COL20A1: variants seen among roughly 807,000 people sequenced by gnomAD.
The protein encoded by COL20A1 is collagen alpha-1(XX) chain.
A neutral mutation model predicts 152.9 loss-of-function variants in COL20A1; 164 were observed. The ratio of observed to expected loss-of-function variants is 1.07; its 90% CI spans 0.94 to 1.22. COL20A1 has a LOEUF of 1.22. COL20A1 is among the 50% of genes most tolerant of loss of function. The pLI is 0.00. For synonymous variants in COL20A1, 864 were observed against 756.0 expected (o/e 1.14, Z -2.34); for missense variants, 1,873 against 1,744.8 (o/e 1.07, Z -1.31).
rs778774257 is a variant in COL20A1 at position 63,313,898 on chromosome 20, C to T, written c.2358+7C>T. On this transcript the variant is annotated splice_region_variant and intron_variant, in intron 18 of 35. Transcript: ENST00000358894. The surrounding 1 kb of genome is among the most constrained non-coding windows in gnomAD (Gnocchi z 5.9). The stretch of plus-strand genomic sequence containing the variant: ...CTTGGGACCCGAGAAATCCGTGAGT[C>T]TTGGTAGAGCCTGAGGCTGCCCCAC... 1.3e-6 allele frequency: 2 copies of T among 1,596,494 alleles called. No individual in the cohort carries two copies. The highest frequency in any genetic ancestry group is 1.7e-6 in the Non-Finnish European group (2 of 1,171,934).
rs1358009253 is a variant in COL20A1 at position 63,306,177 on chromosome 20, C to T, written c.496+138C>T. The T allele has an allele frequency of 2.9e-6, 2 of 695,570 alleles. No individual in the cohort carries two copies. The highest frequency in any genetic ancestry group is 3.6e-5 in the African/African-American group (2 of 54,906). 43.1% of individuals were successfully genotyped at this position (695,570 alleles called of 1,614,324 possible). A position where few individuals can be genotyped will look rare whatever the true frequency, so the allele number is the denominator to read the frequency against. ...TGACCACGAGGCCAGGAAGTTCTTCCTCGTGTCTGACCACACGGTCTCTGA... is the reference window on the plus strand; with the variant it reads ...TGACCACGAGGCCAGGAAGTTCTTCTTCGTGTCTGACCACACGGTCTCTGA... On this transcript the variant is annotated intron_variant, in intron 5 of 35. Transcript: ENST00000358894. The surrounding 1 kb of genome is among the most constrained non-coding windows in gnomAD (Gnocchi z 6.9).
chr20:63,325,265 C>T (rs1009495006), intron 27 of COL20A1, 176 bp from the exon 28 acceptor site: 1 of 710,560 alleles, frequency 1.4e-6, no homozygotes, highest in Non-Finnish European at 2.6e-6. Context: ...GCCTGTGTCT[C>T]CAGGGAGAGC....
intron 2 of COL20A1, among the ~76,000 whole-genome samples, chr20:63,295,790 TG>T (rs1281099605): frequency 6.6e-6 from 1 of 152,162 alleles, no homozygotes; most frequent in Non-Finnish European, 1.5e-5. Context: ...TTGAGAAATG[TG>T]GGTTTAGATT....
intron 34 of COL20A1, among the ~76,000 whole-genome samples, chr20:63,328,740 C>T (rs557341871): frequency 6.6e-6 from 1 of 152,330 alleles, no homozygotes; most frequent in East Asian, 1.9e-4. Context: ...GACCTCTTCC[C>T]CAGTCTTCAG....
chr20:63,325,435 C>T lies in COL20A1; in HGVS notation c.3295-6C>T, dbSNP rs527626212. ...CTTCGCTGTCCAGCCCATCTTCCCC[C>T]TCCAGGGTCCACCAGGGGTCAAAGG... On this transcript the variant is annotated splice_region_variant and splice_polypyrimidine_tract_variant and intron_variant, in intron 27 of 35. Transcript: ENST00000358894. The T allele has an allele frequency of 2.5e-6, 4 of 1,611,642 alleles. No individual in the cohort carries two copies. Among genetic ancestry groups the T allele is most frequent in the East Asian group, 2.2e-5 (1 of 44,870 alleles).
chr20:63,312,695 G>A, intron 15 of COL20A1, 97 bp from the exon 16 acceptor site: 3 of 1,463,590 alleles, frequency 2.0e-6, no homozygotes, highest in Non-Finnish European at 2.8e-6. Context: ...GGGTGTGATG[G>A]ATGGGGGTAT....
intron 1 of COL20A1, among the ~76,000 whole-genome samples, chr20:63,294,345 T>C (rs2067759214): frequency 6.6e-6 from 1 of 151,616 alleles, no homozygotes; most frequent in Non-Finnish European, 1.5e-5. Context: ...CTCTGGGCAC[T>C]GGTCACTGGG....
chr20:63,308,122 T>C (rs1568770855), intron 7 of COL20A1, 32 bp downstream of exon 7: 2 of 1,607,900 alleles, frequency 1.2e-6, no homozygotes, highest in South Asian at 2.2e-5. Context: ...CCCTCTGTCC[T>C]GAGGGCGGAC....
chr20:63,299,554 T>C (rs1223030609), intron 3 of COL20A1, among the ~76,000 whole-genome samples: 4 of 152,206 alleles, frequency 2.6e-5, no homozygotes, highest in Non-Finnish European at 5.9e-5. Context: ...TCACAATTGA[T>C]GTAGAGAACA....
chr20:63,321,935 A>G (rs2068169786), intron 26 of COL20A1, 123 bp from the exon 27 acceptor site: 1 of 655,662 alleles, frequency 1.5e-6, no homozygotes, highest in Admixed American at 3.6e-5. Flanking sequence ...AGCAGTGGAC[A>G]GTCTGGGGCT....
intron 19 of COL20A1, among the ~76,000 whole-genome samples, chr20:63,314,783 C>A (rs528741439): frequency 6.6e-6 from 1 of 151,914 alleles, no homozygotes; most frequent in Admixed American, 6.6e-5. Context: ...CCAGCCTGCC[C>A]GCACACCAGG....
Position 63,319,394 on chromosome 20 carries a change from C to A in COL20A1, c.2807-93C>A. The A allele has an allele frequency of 1.8e-6, 2 of 1,140,478 alleles. No individual in the cohort carries two copies. Among genetic ancestry groups the A allele is most frequent in the Non-Finnish European group, 2.5e-6 (2 of 797,782 alleles). The allele number at this position is 1,140,478 out of a possible 1,614,324, so 70.6% of individuals were successfully genotyped here. ...CACCTCCAGCTTGGCACCCTCAGGGCTGCTCCTGTCCTGTCGTGGGGGCCG... is the reference window on the plus strand; with the variant it reads ...CACCTCCAGCTTGGCACCCTCAGGGATGCTCCTGTCCTGTCGTGGGGGCCG... On this transcript the variant is annotated intron_variant, in intron 22 of 35. Coordinates refer to ENST00000358894, the MANE Select transcript of COL20A1 (RefSeq NM_020882.4). The surrounding 1 kb of genome is among the most constrained non-coding windows in gnomAD (Gnocchi z 4.4).
In COL20A1 at chr20:63,312,446, G is replaced by T; in HGVS notation, c.1830G>T (p.Ser610=). 1 of 1,602,878 alleles carries T rather than the reference G, an allele frequency of 6.2e-7. No homozygotes were observed. The highest frequency in any genetic ancestry group is 2.1e-4 in the Middle Eastern group (1 of 4,816). ...GQTEAPGNAT[S]ATLGPLSSST... is the part of the protein sequence containing the mutation. ...CAGAGGCTCCTGGGAACGCCACCTCGGCCACGCTGGGGCCTCTCTCTTCCT... is the reference window on the plus strand; with the variant it reads ...CAGAGGCTCCTGGGAACGCCACCTCTGCCACGCTGGGGCCTCTCTCTTCCT... Residue 610 remains serine, a synonymous_variant, in exon 15 of 36, where the codon TCG becomes TCT. Transcript: ENST00000358894.
rs373562137 is a variant in COL20A1, at chr20:63,308,073, G to C, written c.758G>C (p.Gly253Ala). ...LAAVRRLRYK[G>A]GNTFTGLALT... ...GCTGTGCGCCGCCTCCGCTACAAGG[G>C]GGGGAACACGTTCACAGGTACGGCC... is the stretch of plus-strand genomic sequence containing the variant. Residue 253 changes from glycine to alanine, a missense_variant, in exon 7 of 36, where the codon GGG becomes GCG. Transcript: ENST00000358894. 2.3e-5 allele frequency: 37 copies of C among 1,612,470 alleles called. No individual in the cohort carries two copies. Among genetic ancestry groups the C allele is most frequent in the African/African-American group, 9.3e-5 (7 of 74,970 alleles).
At position 63,306,601 on chromosome 20, in the gene COL20A1, G is replaced by A. The variant is rs916416060; in HGVS notation, c.496+562G>A. On this transcript the variant is annotated intron_variant, in intron 5 of 35. Transcript: ENST00000358894. The surrounding 1 kb of genome is among the most constrained non-coding windows in gnomAD (Gnocchi z 6.9). Reference sequence around the variant, plus strand: ...GAGGGCCCTGCCCAGCCGGCCCCAGGCGTGGAGAGGTAGAGCCACACCAGG... The same window carrying A: ...GAGGGCCCTGCCCAGCCGGCCCCAGACGTGGAGAGGTAGAGCCACACCAGG... Among the ~76,000 whole-genome samples the A allele has an allele frequency of 1.3e-5, 2 of 150,702 alleles. No individual in the cohort carries two copies. The highest frequency in any genetic ancestry group is 6.6e-5 in the Admixed American group (1 of 15,228).
chr20:63,311,767 G>C lies in COL20A1; in HGVS notation c.1663+19G>C. 6 of 1,581,652 alleles carry C rather than the reference G, an allele frequency of 3.8e-6. No homozygotes were observed. In the South Asian group the frequency reaches 5.7e-5, roughly 15 times the overall value. On this transcript the variant is annotated intron_variant, in intron 13 of 35. Coordinates refer to ENST00000358894, the MANE Select transcript of COL20A1 (RefSeq NM_020882.4). This position sits in a 1 kb window ranked among gnomAD's most constrained non-coding sequence, Gnocchi z 4.4. ...AGGACCCGTGAGTGCTCCAACCCCG[G>C]CTGCCTGCCCACAGGCGGGTGCCCC...
At position 63,313,293 on chromosome 20, in the gene COL20A1, A is replaced by G; in HGVS notation, c.2209+44A>G. On this transcript the variant is annotated intron_variant, in intron 17 of 35. Coordinates refer to ENST00000358894, the MANE Select transcript of COL20A1 (RefSeq NM_020882.4). The surrounding 1 kb of genome is among the most constrained non-coding windows in gnomAD (Gnocchi z 5.9). ...CCCCTCTGCTGGGTGTGGGGCAGGG[A>G]TGGCCCAGGGGATCCCTGACTCACC... The G allele has an allele frequency of 1.3e-6, 2 of 1,575,914 alleles. No individual in the cohort carries two copies. The highest frequency in any genetic ancestry group is 1.7e-6 in the Non-Finnish European group (2 of 1,157,214).
rs746409025 is a variant in COL20A1 at position 63,297,974 on chromosome 20, G to A, written c.147G>A (p.Ser49=). 3.7e-5 allele frequency: 59 copies of A among 1,612,888 alleles called. No homozygotes were observed. The highest frequency in any genetic ancestry group is 9.3e-5 in the African/African-American group (7 of 74,936). ...GGCTGCAGATGAAGTGGAGAGAGTC[G>A]GAGGGGAGCGGCCTCGGCTACCTGG... ...EDRLQMKWRE[S]EGSGLGYLVQ... is the part of the protein sequence containing the mutation. The change falls in exon 3 of 36, where the codon TCG becomes TCA. Residue 49 remains serine, a synonymous_variant. Transcript: ENST00000358894.
intron 15 of COL20A1, 118 bp from the exon 16 acceptor site, chr20:63,312,674 G>A: frequency 2.7e-6 from 4 of 1,460,422 alleles, no homozygotes. Context: ...GGTGGGGATG[G>A]GCACCCGGAC....
Sources: allele counts gnomAD v4.1 joint callset (sites outside exome capture counted in the v4.1 genomes callset), GRCh38; gene constraint gnomAD v4.1.1; non-coding constraint Gnocchi (gnomAD v3.1); transcripts MANE v1.5; gene names NCBI Gene and HGNC (gene_info 2026-07-23, HGNC 2026-07-21).